Variants in DCDC2C observed in about 807,000 individuals in gnomAD.
DCDC2C encodes doublecortin domain-containing protein 2C.
A neutral mutation model predicts 45.0 loss-of-function variants in DCDC2C; 44 were observed. The observed-to-expected ratio is 0.98, with a 90% confidence interval of 0.77 to 1.26. The LOEUF (loss-of-function observed/expected upper bound fraction) is 1.26. DCDC2C is among the 50% of genes most tolerant of loss of function. DCDC2C has a pLI of 0.00. For missense variants in DCDC2C, 447 were observed against 468.9 expected (o/e 0.95, Z 0.43); for synonymous variants, 187 against 178.8 (o/e 1.05, Z -0.37).
At position 3,734,850 on chromosome 2, in the gene DCDC2C, G is replaced by A. The variant is rs571685212; in HGVS notation, c.417-7070G>A. On this transcript the variant is annotated intron_variant, in intron 3 of 10. Coordinates refer to ENST00000399143, the MANE Select transcript of DCDC2C (RefSeq NM_001287444.2). This position sits in a 1 kb window ranked among gnomAD's most constrained non-coding sequence, Gnocchi z 4.2. Reference sequence around the variant, plus strand: ...AGTAATTGGGAAGTTCAAGGTGGGGGTGAAAGTACAGAGCCCTTCAGGTTC... The same window carrying A: ...AGTAATTGGGAAGTTCAAGGTGGGGATGAAAGTACAGAGCCCTTCAGGTTC... Among the ~76,000 whole-genome samples the A allele has an allele frequency of 1.3e-5, 2 of 152,298 alleles. No individual in the cohort carries two copies. The highest frequency in any genetic ancestry group is 3.9e-4 in the East Asian group (2 of 5,186).
At chr2:3,833,945 C>T (rs940167542) in intron 10 of DCDC2C, among the ~76,000 whole-genome samples, 1 of 152,066 alleles carries the variant, frequency 6.6e-6, no homozygotes, top group Non-Finnish European at 1.5e-5. Flanking sequence ...GTGACAACAC[C>T]GATTTTGAGT....
chr2:3,777,508 C>T (rs562923902), intron 8 of DCDC2C, among the ~76,000 whole-genome samples: 12 of 152,236 alleles, frequency 7.9e-5, no homozygotes, highest in South Asian at 2.1e-4. Flanking sequence ...GATATCACAT[C>T]GACTATTCTT....
chr2:3,711,888 A>G (rs141024254), intron 2 of DCDC2C, among the ~76,000 whole-genome samples: 2 of 152,170 alleles, frequency 1.3e-5, no homozygotes, highest in African/African-American at 4.8e-5. Context: ...GAGATGCCCA[A>G]CACCACCCTC....
At chr2:3,811,592 C>T (rs1450832782) in intron 10 of DCDC2C, among the ~76,000 whole-genome samples, 1 of 152,052 alleles carries the variant, frequency 6.6e-6, no homozygotes, top group Non-Finnish European at 1.5e-5. Context: ...GCCTGATTGC[C>T]CTGGCCAGAA....
chr2:3,754,244 T>G (rs186070691), intron 5 of DCDC2C, among the ~76,000 whole-genome samples: 1 of 152,308 alleles, frequency 6.6e-6, no homozygotes, highest in East Asian at 1.9e-4. Flanking sequence ...AATCCTGGGA[T>G]AGAAGCATTT....
Position 3,749,796 on chromosome 2 carries a change from A to T in DCDC2C, c.546-2967A>T, listed in dbSNP as rs115144276. On this transcript the variant is annotated intron_variant, in intron 4 of 10. Transcript: ENST00000399143. ...TCCACAGTCCTGTTCTTTGGTATCT[A>T]TAGTTCCATCCCTGAATGAAAAGCA... Among the ~76,000 whole-genome samples the T allele has an allele frequency of 6.0e-3, 912 of 152,280 alleles. 6 individuals are homozygous for T. The highest frequency in any genetic ancestry group is 6.9e-3 in the Non-Finnish European group (472 of 68,020).
intron 10 of DCDC2C, among the ~76,000 whole-genome samples, chr2:3,836,203 G>A (rs1055964442): frequency 7.2e-5 from 11 of 152,160 alleles, no homozygotes; most frequent in Non-Finnish European, 1.2e-4. Flanking sequence ...CTTTATCTCT[G>A]TGGAACTGTC....
chr2:3,741,461 G>C (rs915275246), intron 3 of DCDC2C, among the ~76,000 whole-genome samples: 2 of 152,140 alleles, frequency 1.3e-5, no homozygotes, highest in African/African-American at 4.8e-5. Context: ...AAGCTGCCCA[G>C]AATGTCACAA....
intron 8 of DCDC2C, among the ~76,000 whole-genome samples, chr2:3,774,655 G>A (rs929909237): frequency 6.6e-6 from 1 of 152,262 alleles, no homozygotes; most frequent in African/African-American, 2.4e-5. Context: ...TAGCCAGGGA[G>A]AGGTGATTGA....
chr2:3,794,705 T>G (rs1367745456), intron 10 of DCDC2C, among the ~76,000 whole-genome samples: 4 of 152,260 alleles, frequency 2.6e-5, no homozygotes, highest in African/African-American at 9.6e-5. Flanking sequence ...TCATCCTTTT[T>G]TATGGCTGCA....
At position 3,847,209 on chromosome 2, in the gene DCDC2C, A is replaced by C; in HGVS notation, c.*26A>C. On this transcript the variant is annotated 3_prime_UTR_variant, in exon 11 of 11. Transcript: ENST00000399143. ...CAAAACCACCTTTATTATTACCTGA[A>C]GTCCACTTTTCTTCAACCATGGGGC... is the stretch of plus-strand genomic sequence containing the variant. 8.1e-7 allele frequency: 1 copy of C among 1,229,924 alleles called. No homozygotes were observed. Among genetic ancestry groups the C allele is most frequent in the African/African-American group, 1.6e-5 (1 of 64,496 alleles). 76.2% of individuals were successfully genotyped at this position (1,229,924 alleles called of 1,614,324 possible).
intron 4 of DCDC2C, among the ~76,000 whole-genome samples, chr2:3,746,136 C>T (rs186332273): frequency 6.6e-6 from 1 of 152,154 alleles, no homozygotes; most frequent in Non-Finnish European, 1.5e-5. Flanking sequence ...TCTCGGTCCT[C>T]AGCCCCACTG....
chr2:3,725,700 G>GGGAGATGAGCAGGGAGTGAGGA (rs1668646346), intron 2 of DCDC2C, among the ~76,000 whole-genome samples: 1 of 151,168 alleles, frequency 6.6e-6, no homozygotes. Flanking sequence ...GGATCCCAGA[G>GGGAGATGAGCAGGGAGTGAGGA]GGAGATGAGC....
Position 3,761,098 on chromosome 2 carries a change from T to A in DCDC2C, c.726+6464T>A, listed in dbSNP as rs1352829437. On this transcript the variant is annotated intron_variant, in intron 6 of 10. Coordinates refer to ENST00000399143, the MANE Select transcript of DCDC2C (RefSeq NM_001287444.2). This position sits in a 1 kb window ranked among gnomAD's most constrained non-coding sequence, Gnocchi z 4.3. ...ATGAAGCTACTCTCATTATATAGCA[T>A]TCAGTTTTACGGGAACTGCATTTAC... Among the ~76,000 whole-genome samples, 1 of 152,242 alleles carries A rather than the reference T, an allele frequency of 6.6e-6. No homozygotes were observed. The highest frequency in any genetic ancestry group is 6.5e-5 in the Admixed American group (1 of 15,284).
At chr2:3,719,636 G>T (rs1448830169) in intron 2 of DCDC2C, among the ~76,000 whole-genome samples, 1 of 152,222 alleles carries the variant, frequency 6.6e-6, no homozygotes, top group Non-Finnish European at 1.5e-5. Flanking sequence ...GTTCGACGGG[G>T]CTTTGCCTGA....
chr2:3,803,313 C>T (rs543298418), intron 10 of DCDC2C, among the ~76,000 whole-genome samples: 2 of 152,236 alleles, frequency 1.3e-5, no homozygotes, highest in Admixed American at 1.3e-4. Flanking sequence ...GACTCAAACT[C>T]CTCCATTCCT....
rs145236283 is a variant in DCDC2C at position 3,722,970 on chromosome 2, T to G, written c.340-4033T>G. Among the ~76,000 whole-genome samples, 12 of 152,360 alleles carry G rather than the reference T, an allele frequency of 7.9e-5. No homozygotes were observed. In the East Asian group the frequency reaches 2.3e-3, roughly 29 times the overall value. Reference sequence around the variant, plus strand: ...GTTGGTACCCATGGCATTAGTTTTGTTACCATGAGTATGCAGGTGTATATA... The same window carrying G: ...GTTGGTACCCATGGCATTAGTTTTGGTACCATGAGTATGCAGGTGTATATA... On this transcript the variant is annotated intron_variant, in intron 2 of 10. Transcript: ENST00000399143.
intron 3 of DCDC2C, among the ~76,000 whole-genome samples, chr2:3,739,346 G>A (rs1418190498): frequency 1.3e-5 from 2 of 152,024 alleles, no homozygotes; most frequent in Non-Finnish European, 2.9e-5. Flanking sequence ...GTGAGGTCAG[G>A]CATTTTTGTT....
chr2:3,831,374 C>T (rs1361876964), intron 10 of DCDC2C, among the ~76,000 whole-genome samples: 4 of 152,326 alleles, frequency 2.6e-5, no homozygotes, highest in African/African-American at 4.8e-5. Flanking sequence ...CTGCACACCT[C>T]GGCTATGTGG....
Sources: gnomAD v4.1 joint callset for allele counts (sites outside exome capture counted in the v4.1 genomes callset) on GRCh38, gnomAD v4.1.1 for gene constraint, Gnocchi (gnomAD v3.1) non-coding constraint, MANE v1.5 for transcripts, NCBI Gene and HGNC (gene_info 2026-07-23, HGNC 2026-07-21) for gene names.